Variants in TMEM108 observed in about 807,000 individuals in gnomAD.
The protein encoded by TMEM108 is transmembrane protein 108.
Under a neutral mutation model 35.1 loss-of-function variants are expected in TMEM108, and 12 were observed. The ratio of observed to expected loss-of-function variants is 0.34; its 90% CI spans 0.22 to 0.55. TMEM108 has a LOEUF of 0.55. Ranked by LOEUF, TMEM108 falls within the 20% of genes least tolerant of loss-of-function variation. The pLI, the probability that TMEM108 is intolerant of heterozygous loss-of-function variation, is 0.89. For missense variants in TMEM108, 680 were observed against 753.3 expected, an observed-to-expected ratio of 0.90 and a Z score of 1.14; for synonymous variants, 287 against 308.6, an observed-to-expected ratio of 0.93 and a Z score of 0.73.
chr3:133,096,540 T>C (rs1182574197), intron 2 of TMEM108, among the ~76,000 whole-genome samples: 1 of 152,162 alleles, frequency 6.6e-6, no homozygotes, highest in African/African-American at 2.4e-5. Flanking sequence ...GGCTTTCTTG[T>C]CTCTTCAGAT....
rs142116460 is a variant in TMEM108, at chr3:133,108,453, T to G, written c.-47+62433T>G. On this transcript the variant is annotated intron_variant, in intron 2 of 5. Transcript: ENST00000321871. ...TGTCTGTTCATATCATTTGCCCACT[T>G]TTTGATGGGGTCGTTTGTTTTTTTC... 9.4e-3 allele frequency among the ~76,000 whole-genome samples: 1,430 copies of G among 152,232 alleles called. 28 individuals are homozygous for G. The highest frequency in any genetic ancestry group is 0.033 in the African/African-American group (1,379 of 41,530).
rs1946304645 is a variant in TMEM108, at chr3:133,240,932, TAAAAAAAAAAG to T, written c.40+11587_40+11597del. Reference sequence around the variant, plus strand: ...TTATTTTTGTTTGGCAAATCTTATTTAAAAAAAAAAGAAAAAGAAATGTGAAAGGTAGTCTA... The same window carrying T: ...TTATTTTTGTTTGGCAAATCTTATTTAAAAAGAAATGTGAAAGGTAGTCTA... On this transcript the variant is annotated intron_variant, in intron 3 of 5. Coordinates refer to ENST00000321871, the MANE Select transcript of TMEM108 (RefSeq NM_023943.4). Among the ~76,000 whole-genome samples the T allele has an allele frequency of 2.0e-5, 3 of 148,936 alleles. No individual in the cohort carries two copies. In the East Asian group the frequency reaches 5.9e-4, roughly 29 times the overall value.
chr3:133,280,922 T>C (rs1365040334), intron 3 of TMEM108, among the ~76,000 whole-genome samples: 3 of 152,206 alleles, frequency 2.0e-5, no homozygotes. Flanking sequence ...AGAATAAAGA[T>C]GGAAATATAT....
At chr3:133,068,782 T>C (rs1943641710) in intron 2 of TMEM108, among the ~76,000 whole-genome samples, 1 of 152,104 alleles carries the variant, frequency 6.6e-6, no homozygotes, top group African/African-American at 2.4e-5. Context: ...CATAATCATT[T>C]GGGGTGGTGA....
intron 2 of TMEM108, among the ~76,000 whole-genome samples, chr3:133,200,957 T>C (rs1412944007): frequency 6.6e-6 from 1 of 152,234 alleles, no homozygotes; most frequent in East Asian, 1.9e-4. Context: ...ATTTCTATCA[T>C]CACAGAAAAT....
intron 2 of TMEM108, among the ~76,000 whole-genome samples, chr3:133,061,449 G>A (rs890513660): frequency 3.9e-5 from 6 of 151,992 alleles, no homozygotes; most frequent in East Asian, 1.9e-4. Context: ...TCCTGACCTC[G>A]TGATCCTCCC....
intron 2 of TMEM108, among the ~76,000 whole-genome samples, chr3:133,097,793 A>G (rs1487900520): frequency 6.6e-6 from 1 of 152,214 alleles, no homozygotes; most frequent in African/African-American, 2.4e-5. Flanking sequence ...GTGGCCCATT[A>G]TAACCCATTA....
chr3:133,339,364 G>A (rs2071594802), intron 3 of TMEM108, among the ~76,000 whole-genome samples: 1 of 151,718 alleles, frequency 6.6e-6, no homozygotes, highest in Admixed American at 6.6e-5. Context: ...GACAAAGAAG[G>A]TCACTATATA....
At chr3:133,072,719 G>T (rs1943690952) in intron 2 of TMEM108, among the ~76,000 whole-genome samples, 1 of 152,070 alleles carries the variant, frequency 6.6e-6, no homozygotes, top group African/African-American at 2.4e-5. Flanking sequence ...GTGATTTTTA[G>T]TATATGTAGA....
intron 3 of TMEM108, among the ~76,000 whole-genome samples, chr3:133,326,232 T>TTA (rs2071331573): frequency 6.6e-6 from 1 of 152,196 alleles, no homozygotes; most frequent in Admixed American, 6.5e-5. Context: ...CCCAGTCTAA[T>TTA]GGTCAAAACA....
chr3:133,277,010 A>G (rs1339214052), intron 3 of TMEM108, among the ~76,000 whole-genome samples: 1 of 152,114 alleles, frequency 6.6e-6, no homozygotes, highest in Non-Finnish European at 1.5e-5. Flanking sequence ...CTTTCTAATG[A>G]CGTGTGAGGT....
Position 133,386,774 on chromosome 3 carries a change from T to G in TMEM108, c.1451-3406T>G, listed in dbSNP as rs755482756. On this transcript the variant is annotated intron_variant, in intron 4 of 5. Coordinates refer to ENST00000321871, the MANE Select transcript of TMEM108 (RefSeq NM_023943.4). ...TTCTGCATATGTCATCTCTATACCC[T>G]CCGGTGTTCAGGACAATACAGGATA... 5 of 1,088,056 alleles carry G rather than the reference T, an allele frequency of 4.6e-6. No individual in the cohort carries two copies. The African/African-American group carries it at 4.8e-5, about 10-fold the overall frequency. 67.4% of individuals were successfully genotyped at this position (1,088,056 alleles called of 1,614,324 possible).
chr3:133,185,284 G>T (rs116705456), intron 2 of TMEM108, among the ~76,000 whole-genome samples: 1 of 152,040 alleles, frequency 6.6e-6, no homozygotes, highest in Non-Finnish European at 1.5e-5. Flanking sequence ...GCTTCTTTCC[G>T]TGGGAAAAGT....
chr3:133,070,741 A>ATGGATG (rs1943665147), intron 2 of TMEM108, among the ~76,000 whole-genome samples: 2 of 86,186 alleles, frequency 2.3e-5, no homozygotes, highest in South Asian at 7.7e-4. Context: ...GCTTTCTCTG[A>ATGGATG]TGTATGTGTG....
chr3:133,391,431 A>G (rs2073233333), intron 5 of TMEM108, among the ~76,000 whole-genome samples: 1 of 152,160 alleles, frequency 6.6e-6, no homozygotes, highest in African/African-American at 2.4e-5. Context: ...CAGAGCAGCC[A>G]AGGTGAGCTT....
intron 2 of TMEM108, among the ~76,000 whole-genome samples, chr3:133,173,047 G>T (rs941768823): frequency 6.6e-6 from 1 of 152,064 alleles, no homozygotes; most frequent in Non-Finnish European, 1.5e-5. Context: ...TTTTGTAATT[G>T]CCCAGTCTCG....
intron 2 of TMEM108, among the ~76,000 whole-genome samples, chr3:133,087,019 A>G (rs2107703274): frequency 6.6e-6 from 1 of 152,352 alleles, no homozygotes; most frequent in South Asian, 2.1e-4. Flanking sequence ...TCAAAATGTC[A>G]GGAATCCCTG....
At chr3:133,378,661 A>G in intron 3 of TMEM108, 2 of 421,194 alleles carry the variant, frequency 4.7e-6, no homozygotes, top group Non-Finnish European at 6.4e-6. Flanking sequence ...TGCTTGCATG[A>G]GGTACCATTT....
In TMEM108 at chr3:133,158,277, G is replaced by A. The variant is rs184884561; in HGVS notation, c.-46-70989G>A. 9.8e-3 allele frequency among the ~76,000 whole-genome samples: 1,475 copies of A among 149,748 alleles called. 67 individuals are homozygous for A. Among genetic ancestry groups the A allele is most frequent in the Admixed American group, 0.064 (968 of 15,186 alleles). On this transcript the variant is annotated intron_variant, in intron 2 of 5. Transcript: ENST00000321871. ...GAGGTCAAGAAATCGAGACCATCCC[G>A]GCCAACATGGTGAAACCCCATCTCT...
Sources: allele counts gnomAD v4.1 joint callset (sites outside exome capture counted in the v4.1 genomes callset), GRCh38; gene constraint gnomAD v4.1.1; transcripts MANE v1.5; gene names NCBI Gene and HGNC (gene_info 2026-07-23, HGNC 2026-07-21).